The following BEND5 variants were observed in gnomAD, a reference collection of about 807,000 sequenced individuals.
The protein encoded by BEND5 is BEN domain-containing protein 5.
BEND5 carries 22 observed loss-of-function variants against 43.9 expected under a neutral mutation model. The ratio of observed to expected loss-of-function variants is 0.50; its 90% CI spans 0.36 to 0.72. The LOEUF (loss-of-function observed/expected upper bound fraction) is 0.72. Among genes scored for constraint, BEND5 ranks in the 30% least tolerant of loss-of-function variants. The pLI, the probability that BEND5 is intolerant of heterozygous loss-of-function variation, is 0.00. For synonymous variants in BEND5, 228 were observed against 225.9 expected, an observed-to-expected ratio of 1.01 and a Z score of -0.08; for missense variants, 428 against 550.6, an observed-to-expected ratio of 0.78 and a Z score of 2.23.
intron 3 of BEND5, among the ~76,000 whole-genome samples, chr1:48,748,013 CTT>C (rs1399373517): frequency 1.3e-5 from 2 of 152,170 alleles, no homozygotes; most frequent in Admixed American, 6.5e-5. Context: ...ATCCTATTTT[CTT>C]CATAAATGCA....
intron 3 of BEND5, among the ~76,000 whole-genome samples, chr1:48,755,550 T>C (rs1470629231): frequency 1.3e-5 from 2 of 152,176 alleles, no homozygotes; most frequent in East Asian, 3.8e-4. Flanking sequence ...GGGCCCTACA[T>C]CAACCCTAAC....
intron 3 of BEND5, among the ~76,000 whole-genome samples, chr1:48,748,044 T>C (rs1241880331): frequency 1.3e-5 from 2 of 152,144 alleles, no homozygotes; most frequent in Non-Finnish European, 2.9e-5. Context: ...CAAGTCAAAA[T>C]TCCTAAATGC....
intron 1 of BEND5, among the ~76,000 whole-genome samples, chr1:48,775,399 C>T (rs1187884770): frequency 1.3e-5 from 2 of 152,170 alleles, no homozygotes; most frequent in Non-Finnish European, 2.9e-5. Flanking sequence ...TTGGGTTCAT[C>T]TTTTAGGCTA....
chr1:48,762,611 GTT>G (rs373279256), intron 1 of BEND5, among the ~76,000 whole-genome samples: 973 of 89,714 alleles, frequency 0.011, 6 homozygotes, highest in South Asian at 0.064. Context: ...GTCTTTAAGG[GTT>G]TTGTGTGTGT....
In BEND5 at chr1:48,761,923, G is replaced by A. The variant is rs116070723; in HGVS notation, c.227-453C>T. Among the ~76,000 whole-genome samples the A allele has an allele frequency of 3.5e-3, 527 of 152,314 alleles. 7 individuals carry two copies. The highest frequency in any genetic ancestry group is 6.5e-3 in the Non-Finnish European group (440 of 68,032). On this transcript the variant is annotated intron_variant, in intron 1 of 5. Transcript: ENST00000371833. The stretch of plus-strand genomic sequence containing the variant: ...AGCTCAAGTGCCAATAGACATGAGA[G>A]AGCTTATAGCTGATAGGGATGTAAG...
intron 5 of BEND5, among the ~76,000 whole-genome samples, chr1:48,735,597 C>T (rs943872407): frequency 6.6e-6 from 1 of 151,958 alleles, no homozygotes; most frequent in Non-Finnish European, 1.5e-5. Context: ...GGATACAGCC[C>T]TATCTTTAGG....
chr1:48,766,973 G>A (rs1644562543), intron 1 of BEND5, among the ~76,000 whole-genome samples: 1 of 152,164 alleles, frequency 6.6e-6, no homozygotes, highest in South Asian at 2.1e-4. Context: ...AGAGACACTG[G>A]CTTATATAGT....
intron 5 of BEND5, among the ~76,000 whole-genome samples, chr1:48,731,989 G>A (rs1452986178): frequency 1.3e-5 from 2 of 152,106 alleles, no homozygotes; most frequent in Non-Finnish European, 2.9e-5. Flanking sequence ...CTATGAGAAG[G>A]GCAGTACTGT....
chr1:48,741,000 G>A (rs534386555), intron 4 of BEND5, among the ~76,000 whole-genome samples: 9 of 152,304 alleles, frequency 5.9e-5, no homozygotes, highest in South Asian at 4.1e-4. Flanking sequence ...TTCAACTCAC[G>A]TGTAAAAATA....
chr1:48,746,434 G>A (rs1323839249), intron 3 of BEND5, among the ~76,000 whole-genome samples: 1 of 152,168 alleles, frequency 6.6e-6, no homozygotes, highest in African/African-American at 2.4e-5. Flanking sequence ...CAAGGTTCAC[G>A]ACGGTCCCCT....
intron 3 of BEND5, among the ~76,000 whole-genome samples, chr1:48,756,808 A>G (rs1371471215): frequency 2.0e-5 from 3 of 152,138 alleles, no homozygotes; most frequent in Non-Finnish European, 4.4e-5. Flanking sequence ...TAGCCCTGAG[A>G]GGATAGGGTG....
chr1:48,757,583 T>A (rs1206213256), intron 3 of BEND5, among the ~76,000 whole-genome samples: 1 of 152,204 alleles, frequency 6.6e-6, no homozygotes, highest in Non-Finnish European at 1.5e-5. Flanking sequence ...CAATGTCATT[T>A]CCTTTTCTAT....
intron 5 of BEND5, among the ~76,000 whole-genome samples, chr1:48,733,575 T>C (rs985316931): frequency 3.3e-5 from 5 of 152,208 alleles, no homozygotes; most frequent in African/African-American, 1.2e-4. Context: ...TGGCAGATGA[T>C]GCTGAGTTCC....
intron 1 of BEND5, among the ~76,000 whole-genome samples, chr1:48,762,614 T>TGTGTG (rs1644323705): frequency 4.0e-5 from 3 of 75,148 alleles, no homozygotes; most frequent in African/African-American, 1.2e-4. Context: ...TTTAAGGGTT[T>TGTGTG]TGTGTGTGTG....
Position 48,742,758 on chromosome 1 carries a change from A to T in BEND5, c.759T>A (p.Asp253Glu). The change falls in exon 4 of 6, where the codon GAT becomes GAA. Residue 253 changes from aspartate to glutamate, a missense_variant. By Grantham distance (45) the Asp-to-Glu change is conservative. Around this residue, in one of 4 missense-constraint regions of BEND5, gnomAD observed 243 missense variants for 286.4 expected, o/e 0.85. Coordinates refer to ENST00000371833, the MANE Select transcript of BEND5 (RefSeq NM_024603.4). The stretch of plus-strand genomic sequence containing the variant: ...GACATTCTGACTTTACTTTTTCCAG[A>T]TCAATGGCGGGACCTAGGCAGTTAA... ...LLRLGSGPAI[D>E]LEKVKSECLE... 1.3e-5 allele frequency: 21 copies of T among 1,601,378 alleles called. No homozygotes were observed. The highest frequency in any genetic ancestry group is 1.8e-5 in the Non-Finnish European group (21 of 1,172,926).
chr1:48,769,798 T>C (rs1644721554), intron 1 of BEND5, among the ~76,000 whole-genome samples: 1 of 152,150 alleles, frequency 6.6e-6, no homozygotes, highest in Non-Finnish European at 1.5e-5. Context: ...ACTATCTCCA[T>C]GCTATAGATG....
At chr1:48,773,345 A>C (rs1644927816) in intron 1 of BEND5, among the ~76,000 whole-genome samples, 1 of 152,194 alleles carries the variant, frequency 6.6e-6, no homozygotes, top group Non-Finnish European at 1.5e-5. Context: ...TCTCACTTTC[A>C]CAACCTGCTT....
intron 2 of BEND5, 57 bp downstream of exon 2, chr1:48,761,280 T>G (rs1252568459): frequency 6.7e-7 from 1 of 1,498,828 alleles, no homozygotes; most frequent in Non-Finnish European, 9.0e-7. Flanking sequence ...ACTCTTTAGC[T>G]ACGAGATATC....
intron 4 of BEND5, among the ~76,000 whole-genome samples, chr1:48,737,030 T>C (rs1649168449): frequency 6.6e-6 from 1 of 152,154 alleles, no homozygotes; most frequent in Non-Finnish European, 1.5e-5. Context: ...ACACCTGTAA[T>C]CCCAGCACTT....
Sources: gnomAD v4.1 joint callset for allele counts (sites outside exome capture counted in the v4.1 genomes callset) on GRCh38, gnomAD v4.1.1 for gene constraint, gnomAD v4.1.1 regional missense constraint, MANE v1.5 for transcripts, NCBI Gene and HGNC (gene_info 2026-07-23, HGNC 2026-07-21) for gene names.